Variants in FRMPD4 observed in about 807,000 individuals in gnomAD.
FRMPD4 encodes the protein FERM and PDZ domain-containing protein 4.
FRMPD4 carries 22 observed loss-of-function variants against 94.1 expected under a neutral mutation model. The observed-to-expected ratio is 0.23, with a 90% CI of 0.17 to 0.33. The LOEUF is 0.33. Ranked by LOEUF, FRMPD4 falls within the 10% of genes least tolerant of loss-of-function variation. FRMPD4 has a pLI of 1.00. For missense variants in FRMPD4, 1,111 were observed against 1,339.9 expected (o/e 0.83, Z 2.67); for synonymous variants, 631 against 548.6 (o/e 1.15, Z -2.10).
chrX:11,968,650 T>G (rs2054324533), intron 3 of FRMPD4, among the ~76,000 whole-genome samples: 1 of 111,164 alleles, frequency 9.0e-6, no homozygotes, highest in African/African-American at 3.3e-5. Context: ...TCCTCATAGG[T>G]AAGGAATGAA....
At chrX:12,129,259 T>A (rs1298847495) in intron 3 of FRMPD4, among the ~76,000 whole-genome samples, 1 of 111,796 alleles carries the variant, frequency 8.9e-6, no homozygotes. Context: ...TTCTGCATGG[T>A]TGGGGAGGCC....
chrX:11,864,046 C>T (rs17321544), intron 1 of FRMPD4, among the ~76,000 whole-genome samples: 6,685 of 110,591 alleles, frequency 0.06, 195 homozygotes, highest in Non-Finnish European at 0.089. Context: ...CATTGGTTGG[C>T]TTGGATATCA....
chrX:12,196,635 A>G (rs2056570626), intron 1 of FRMPD4, among the ~76,000 whole-genome samples: 1 of 108,060 alleles, frequency 9.3e-6, no homozygotes, highest in Non-Finnish European at 1.9e-5. Context: ...AAGTTTATAT[A>G]TATATAAAAA....
intron 3 of FRMPD4, among the ~76,000 whole-genome samples, chrX:11,898,836 T>C (rs1230003508): frequency 8.9e-6 from 1 of 111,782 alleles, no homozygotes; most frequent in African/African-American, 3.3e-5. Flanking sequence ...CTGTGTGCTA[T>C]GAGAGTCACA....
rs191966971 is a variant in FRMPD4, at chrX:12,172,294, G to A, written c.41+33282G>A. Among the ~76,000 whole-genome samples the A allele has an allele frequency of 9.7e-4, 107 of 109,810 alleles. No individual in the cohort carries two copies. The Middle Eastern group carries it at 0.024, about 24-fold the overall frequency. On this transcript the variant is annotated intron_variant, in intron 1 of 16. Coordinates refer to ENST00000675598, the MANE Select transcript of FRMPD4 (RefSeq NM_001368397.1). ...AAAAAGGGATAAGGAAAGGGCTTTA[G>A]AAACTAAGAACTCATGACTGTATTC... is the stretch of plus-strand genomic sequence containing the variant.
chrX:12,620,850 A>G (rs1426061792), intron 4 of FRMPD4, among the ~76,000 whole-genome samples: 4 of 112,603 alleles, frequency 3.6e-5, no homozygotes, highest in Non-Finnish European at 7.5e-5. Context: ...CTCCACTACA[A>G]TTGCAGAGGC....
chrX:12,610,188 C>T (rs984871850), intron 3 of FRMPD4, among the ~76,000 whole-genome samples: 2 of 110,810 alleles, frequency 1.8e-5, no homozygotes, highest in African/African-American at 6.7e-5. Context: ...TTACAGTAAG[C>T]CCATGATGAA....
intron 1 of FRMPD4, among the ~76,000 whole-genome samples, chrX:12,456,403 C>T (rs1444205939): frequency 2.7e-5 from 3 of 111,301 alleles, no homozygotes; most frequent in Non-Finnish European, 5.7e-5. Flanking sequence ...TTGGCCATGC[C>T]GGGAATATTT....
chrX:11,843,688 G>C (rs2053554501), intron 1 of FRMPD4, among the ~76,000 whole-genome samples: 1 of 110,850 alleles, frequency 9.0e-6, no homozygotes, highest in South Asian at 3.8e-4. Flanking sequence ...CTCCCAAGTA[G>C]CTGGGACTAC....
intron 1 of FRMPD4, among the ~76,000 whole-genome samples, chrX:11,838,094 G>A (rs1483527171): frequency 9.0e-6 from 1 of 111,176 alleles, no homozygotes; most frequent in African/African-American, 3.3e-5. Flanking sequence ...TTGGCACCTT[G>A]TCTAGATTGA....
At chrX:12,392,648 G>A (rs904449473) in intron 1 of FRMPD4, among the ~76,000 whole-genome samples, 3 of 108,980 alleles carry the variant, frequency 2.8e-5, no homozygotes, top group Non-Finnish European at 3.8e-5. Context: ...GTGAGACTTC[G>A]TCTCAAAAAA....
chrX:12,702,995 G>A (rs902415733), intron 10 of FRMPD4, among the ~76,000 whole-genome samples: 15 of 112,392 alleles, frequency 1.3e-4, no homozygotes, highest in Admixed American at 1.9e-4. Flanking sequence ...TTGAAAAGGT[G>A]GCCTGCACAA....
chrX:12,718,622 C>T lies in FRMPD4; in HGVS notation c.3796C>T (p.Pro1266Ser). 8.3e-7 allele frequency: 1 copy of T among 1,210,754 alleles called. No individual in the cohort carries two copies. The highest frequency in any genetic ancestry group is 1.1e-6 in the Non-Finnish European group (1 of 894,563). ...VNYIPSEERA[P>S]GLPNHGATFK... ...TTACATTCCTTCAGAGGAGAGAGCC[C>T]CTGGGCTTCCCAACCACGGAGCCAC... The change falls in exon 16 of 17, where the codon CCT (proline) becomes TCT (serine). Residue 1266 changes from proline to serine, a missense_variant. Transcript: ENST00000675598.
chrX:12,466,783 T>C (rs2057454098), intron 1 of FRMPD4, among the ~76,000 whole-genome samples: 1 of 112,143 alleles, frequency 8.9e-6, no homozygotes, highest in Non-Finnish European at 1.9e-5. Flanking sequence ...TTTGCAAAAC[T>C]AGCTCCTGCT....
At chrX:12,529,688 A>T (rs967227890) in intron 2 of FRMPD4, among the ~76,000 whole-genome samples, 7 of 112,336 alleles carry the variant, frequency 6.2e-5, no homozygotes, top group Non-Finnish European at 1.1e-4. Context: ...GTAGAGGCAG[A>T]TTCAAAACCC....
intron 3 of FRMPD4, among the ~76,000 whole-genome samples, chrX:11,941,550 A>G (rs921642439): frequency 8.0e-5 from 9 of 112,141 alleles, no homozygotes; most frequent in Non-Finnish European, 1.3e-4. Context: ...GAGGAAAAAC[A>G]GCTCCAATAT....
intron 1 of FRMPD4, among the ~76,000 whole-genome samples, chrX:12,418,912 C>T (rs1411301200): frequency 8.9e-6 from 1 of 111,912 alleles, no homozygotes; most frequent in Non-Finnish European, 1.9e-5. Context: ...AATAATTCTT[C>T]ATGAATTTCA....
chrX:12,086,563 G>T (rs1859108431), intron 3 of FRMPD4, among the ~76,000 whole-genome samples: 1 of 111,493 alleles, frequency 9.0e-6, no homozygotes, highest in Admixed American at 9.5e-5. Context: ...AGAGAATTTG[G>T]GTGCTTAAGG....
At chrX:12,060,397 G>A (rs1601910487) in intron 3 of FRMPD4, among the ~76,000 whole-genome samples, 1 of 100,080 alleles carries the variant, frequency 1.0e-5, no homozygotes, top group Admixed American at 1.1e-4. Flanking sequence ...GTTGCTGGCT[G>A]TTTATGTGTC....
Sources: gnomAD v4.1 joint callset for allele counts (sites outside exome capture counted in the v4.1 genomes callset) on GRCh38, gnomAD v4.1.1 for gene constraint, MANE v1.5 for transcripts, NCBI Gene and HGNC (gene_info 2026-07-23, HGNC 2026-07-21) for gene names.